The following PTPRN2 variants were observed in gnomAD, a reference collection of about 807,000 sequenced individuals.
The protein encoded by PTPRN2 is receptor-type tyrosine-protein phosphatase N2.
PTPRN2 carries 74 observed loss-of-function variants against 118.8 expected under a neutral mutation model. The observed-to-expected ratio is 0.62, with a 90% CI of 0.52 to 0.76. The LOEUF (loss-of-function observed/expected upper bound fraction) is 0.76. Ranked by LOEUF, PTPRN2 falls within the 30% of genes least tolerant of loss-of-function variation. The pLI is 0.00. For synonymous variants in PTPRN2, 641 were observed against 608.0 expected (o/e 1.05, Z -0.80); for missense variants, 1,481 against 1,394.4 (o/e 1.06, Z -0.99).
chr7:158,367,645 G>A (rs531781268), intron 2 of PTPRN2, among the ~76,000 whole-genome samples: 2 of 152,298 alleles, frequency 1.3e-5, no homozygotes, highest in South Asian at 2.1e-4. Context: ...CTGTCCTTTG[G>A]AAATAGCCCC....
At chr7:158,479,557 G>A (rs539415007) in intron 2 of PTPRN2, among the ~76,000 whole-genome samples, 1 of 152,214 alleles carries the variant, frequency 6.6e-6, no homozygotes, top group Non-Finnish European at 1.5e-5. Context: ...GAGCTGTTCT[G>A]TTTTATGGAA....
At chr7:158,524,524 A>AGGC (rs1554524749) in intron 1 of PTPRN2, among the ~76,000 whole-genome samples, 3 of 122,814 alleles carry the variant, frequency 2.4e-5, no homozygotes, top group Non-Finnish European at 3.4e-5. Flanking sequence ...CCTGGAGTGG[A>AGGC]GTCTGCCCTG....
chr7:157,809,672 T>G (rs1176903175), intron 12 of PTPRN2, among the ~76,000 whole-genome samples: 2 of 152,078 alleles, frequency 1.3e-5, no homozygotes, highest in African/African-American at 4.8e-5. Flanking sequence ...GGCGTCTACC[T>G]GCCAAGGAGC....
At chr7:158,262,801 A>T (rs967674691) in intron 3 of PTPRN2, among the ~76,000 whole-genome samples, 1 of 147,878 alleles carries the variant, frequency 6.8e-6, no homozygotes, top group Non-Finnish European at 1.5e-5. Context: ...ACACATTCAC[A>T]CACTACACAC....
intron 3 of PTPRN2, among the ~76,000 whole-genome samples, chr7:158,270,895 C>CT (rs1798392502): frequency 1.2e-5 from 1 of 82,780 alleles, no homozygotes; most frequent in East Asian, 5.7e-4. Context: ...TGACCCCCTC[C>CT]ACCTGGACCA....
intron 11 of PTPRN2, among the ~76,000 whole-genome samples, chr7:157,938,073 G>A (rs1344795971): frequency 6.6e-6 from 1 of 152,304 alleles, no homozygotes; most frequent in South Asian, 2.1e-4. Context: ...TGTGAACCCC[G>A]GCTGTTCAAA....
chr7:158,343,518 A>T (rs1807232402), intron 2 of PTPRN2, among the ~76,000 whole-genome samples: 1 of 152,250 alleles, frequency 6.6e-6, no homozygotes, highest in South Asian at 2.1e-4. Flanking sequence ...TCAATGTGGA[A>T]GTAGCAGATG....
chr7:157,642,814 C>CAAAAAAAAAAAAAAAAA lies in PTPRN2; in HGVS notation c.2196+13526_2196+13542dup, dbSNP rs11335302. Among the ~76,000 whole-genome samples, 140 of 24,216 alleles carry CAAAAAAAAAAAAAAAAA rather than the reference C, an allele frequency of 5.8e-3. 34 individuals carry two copies. The highest frequency in any genetic ancestry group is 7.9e-3 in the Non-Finnish European group (94 of 11,920). 15.9% of individuals were successfully genotyped at this position (24,216 alleles called of 152,430 possible). On this transcript the variant is annotated intron_variant, in intron 14 of 22. Transcript: ENST00000389418. ...AAGGGTCTACCAAGTCAAGAAACAG[C>CAAAAAAAAAAAAAAAAA]AAAAAAAAAAAAAAAAAAAAAAAAA...
At chr7:157,897,062 G>C (rs575345215) in intron 12 of PTPRN2, among the ~76,000 whole-genome samples, 1 of 152,164 alleles carries the variant, frequency 6.6e-6, no homozygotes, top group South Asian at 2.1e-4. Flanking sequence ...TCCCAGCCTC[G>C]ACGCGTTCTC....
intron 12 of PTPRN2, among the ~76,000 whole-genome samples, chr7:157,791,608 T>C (rs1186286445): frequency 2.9e-5 from 4 of 138,046 alleles, no homozygotes; most frequent in Admixed American, 7.4e-5. Flanking sequence ...CTACTCAGGG[T>C]GGTGAGAGCG....
chr7:158,330,831 T>C (rs1209037794), intron 2 of PTPRN2, among the ~76,000 whole-genome samples: 1 of 94,370 alleles, frequency 1.1e-5, no homozygotes, highest in African/African-American at 3.7e-5. Flanking sequence ...CAGACGTCAC[T>C]CACATCCACA....
At position 158,253,441 on chromosome 7, in the gene PTPRN2, A is replaced by C. The variant is rs1459583564; in HGVS notation, c.278-48168T>G. ...GTAGAAAGGAGGAAGCACTCAACAGAACCTTCCGTTTCCAGTCACCGGGTG... is the reference window on the plus strand; with the variant it reads ...GTAGAAAGGAGGAAGCACTCAACAGCACCTTCCGTTTCCAGTCACCGGGTG... On this transcript the variant is annotated intron_variant, in intron 3 of 22. Transcript: ENST00000389418. 2.0e-5 allele frequency among the ~76,000 whole-genome samples: 3 copies of C among 152,224 alleles called. No individual in the cohort carries two copies. In the East Asian group the frequency reaches 5.8e-4, roughly 29 times the overall value.
At chr7:158,171,308 C>CATATATATACACACATATATATAT (rs1823650213) in intron 5 of PTPRN2, among the ~76,000 whole-genome samples, 1 of 48,676 alleles carries the variant, frequency 2.1e-5, no homozygotes, top group Non-Finnish European at 3.7e-5. Flanking sequence ...TATATACACA[C>CATATATATACACACATATATATAT]ATATATATAT....
In PTPRN2 at chr7:157,729,697, C is replaced by T. The variant is rs143526648; in HGVS notation, c.1789-46760G>A. Among the ~76,000 whole-genome samples the T allele has an allele frequency of 2.3e-4, 35 of 152,274 alleles. No individual in the cohort carries two copies. Among genetic ancestry groups the T allele is most frequent in the African/African-American group, 8.4e-4 (35 of 41,548 alleles). ...TGGGAGGGTCGCTAGGGTGAGGACG[C>T]TGAGAGCCCATGTGCTGGAAAGGAC... On this transcript the variant is annotated intron_variant, in intron 12 of 22. Coordinates refer to ENST00000389418, the MANE Select transcript of PTPRN2 (RefSeq NM_002847.5). The surrounding 1 kb of genome is among the most constrained non-coding windows in gnomAD (Gnocchi z 4.3).
chr7:158,443,041 GTA>G (rs1363925923), intron 2 of PTPRN2, among the ~76,000 whole-genome samples: 6 of 99,962 alleles, frequency 6.0e-5, no homozygotes, highest in Non-Finnish European at 9.6e-5. Context: ...ACACAAATAA[GTA>G]TTAAAAAAAA....
At chr7:158,259,968 G>A (rs867573027) in intron 3 of PTPRN2, among the ~76,000 whole-genome samples, 17 of 150,034 alleles carry the variant, frequency 1.1e-4, no homozygotes, top group South Asian at 8.4e-4. Context: ...TTGTCCACGC[G>A]TCCCTTTGTG....
At chr7:158,337,157 A>T (rs1425342508) in intron 2 of PTPRN2, among the ~76,000 whole-genome samples, 4 of 152,088 alleles carry the variant, frequency 2.6e-5, no homozygotes, top group African/African-American at 9.6e-5. Flanking sequence ...TCACCATAAG[A>T]GGTGACACCT....
chr7:157,971,475 C>T (rs1383115442), intron 11 of PTPRN2, among the ~76,000 whole-genome samples: 4 of 152,084 alleles, frequency 2.6e-5, no homozygotes, highest in Admixed American at 1.3e-4. Context: ...ATGGCTTAAT[C>T]GTTATTAATT....
chr7:158,512,573 C>T (rs191857512), intron 1 of PTPRN2, among the ~76,000 whole-genome samples: 42 of 152,332 alleles, frequency 2.8e-4, no homozygotes, highest in African/African-American at 9.4e-4. Flanking sequence ...CACACACACA[C>T]ACACATCTTC....
Sources: gnomAD v4.1 joint callset for allele counts (sites outside exome capture counted in the v4.1 genomes callset) on GRCh38, gnomAD v4.1.1 for gene constraint, Gnocchi (gnomAD v3.1) non-coding constraint, MANE v1.5 for transcripts, NCBI Gene and HGNC (gene_info 2026-07-23, HGNC 2026-07-21) for gene names.